The following RAPGEF1 variants were observed in gnomAD, a reference collection of about 807,000 sequenced individuals.
RAPGEF1 encodes Rap guanine nucleotide exchange factor 1.
RAPGEF1 carries 33 observed loss-of-function variants against 143.3 expected under a neutral mutation model. That is an observed-to-expected ratio of 0.23 (90% CI 0.17 to 0.31). RAPGEF1 has a LOEUF of 0.31. Ranked by LOEUF, RAPGEF1 falls within the 10% of genes least tolerant of loss-of-function variation. RAPGEF1 has a pLI of 1.00. For synonymous variants in RAPGEF1, 629 were observed against 676.5 expected (o/e 0.93, Z 1.09); for missense variants, 1,199 against 1,645.4 (o/e 0.73, Z 4.69).
chr9:131,644,674 G>C (rs1160259246), intron 3 of RAPGEF1, among the ~76,000 whole-genome samples: 1 of 152,106 alleles, frequency 6.6e-6, no homozygotes, highest in African/African-American at 2.4e-5. Flanking sequence ...TTCTAAAATA[G>C]TGCCGATTGG....
chr9:131,629,660 G>A (rs1334884183), intron 6 of RAPGEF1, among the ~76,000 whole-genome samples: 5 of 151,978 alleles, frequency 3.3e-5, no homozygotes, highest in Admixed American at 1.3e-4. Context: ...GCATGGTGGC[G>A]TGCACCTGTA....
chr9:131,626,462 A>G (rs1251147473), intron 9 of RAPGEF1, 40 bp from the exon 10 acceptor site: 6 of 1,515,188 alleles, frequency 4.0e-6, no homozygotes, highest in East Asian at 2.3e-5. Context: ...CGTTAGCCAC[A>G]GGCCCTGCAG....
At chr9:131,643,882 G>C (rs1002891276) in intron 3 of RAPGEF1, among the ~76,000 whole-genome samples, 1 of 152,172 alleles carries the variant, frequency 6.6e-6, no homozygotes, top group Non-Finnish European at 1.5e-5. Context: ...TCCAGGGCAT[G>C]AGGGGCTGAA....
chr9:131,621,680 C>G lies in RAPGEF1; in HGVS notation c.1905+116G>C. 9.0e-7 allele frequency: 1 copy of G among 1,115,832 alleles called. No homozygotes were observed. The highest frequency in any genetic ancestry group is 1.3e-6 in the Non-Finnish European group (1 of 784,638). 69.1% of individuals were successfully genotyped at this position (1,115,832 alleles called of 1,614,324 possible). On this transcript the variant is annotated intron_variant, in intron 11 of 26. Transcript: ENST00000683357. The surrounding 1 kb of genome is among the most constrained non-coding windows in gnomAD (Gnocchi z 4.5). ...GAGATGGTGCCTTCCACGCCCAAAA[C>G]CAGGGCCCTGCCACAGCAGGGAGGA...
chr9:131,705,746 C>T (rs938994573), intron 1 of RAPGEF1, among the ~76,000 whole-genome samples: 7 of 152,152 alleles, frequency 4.6e-5, no homozygotes, highest in African/African-American at 7.2e-5. Context: ...GTCCCCTCAT[C>T]GGGTATGTGT....
intron 3 of RAPGEF1, among the ~76,000 whole-genome samples, chr9:131,649,499 C>T (rs530285612): frequency 1.4e-4 from 21 of 152,264 alleles, no homozygotes; most frequent in Middle Eastern, 3.4e-3. Context: ...TTGACTTTGC[C>T]ACCTTTTTGC....
At chr9:131,625,877 A>G in intron 10 of RAPGEF1, 45 bp downstream of exon 10, 1 of 1,508,768 alleles carries the variant, frequency 6.6e-7, no homozygotes, top group Non-Finnish European at 8.9e-7. Flanking sequence ...CTGCCATTTC[A>G]GGTTATAAAA....
intron 16 of RAPGEF1, 90 bp from the exon 17 acceptor site, chr9:131,596,463 A>C: frequency 3.8e-6 from 5 of 1,315,276 alleles, no homozygotes; most frequent in Non-Finnish European, 5.4e-6. Flanking sequence ...TGAGATGACA[A>C]AATGCCCTGC....
chr9:131,656,752 T>G (rs1313927168), intron 1 of RAPGEF1, among the ~76,000 whole-genome samples: 1 of 152,198 alleles, frequency 6.6e-6, no homozygotes, highest in Non-Finnish European at 1.5e-5. Flanking sequence ...CTCAGGTTCA[T>G]GCAAGGGCAG....
At chr9:131,715,520 G>T (rs572506594) in intron 1 of RAPGEF1, among the ~76,000 whole-genome samples, 24 of 152,142 alleles carry the variant, frequency 1.6e-4, no homozygotes, top group African/African-American at 5.5e-4. Flanking sequence ...TCATTCTTCT[G>T]GGAAGAGAGG....
intron 1 of RAPGEF1, among the ~76,000 whole-genome samples, chr9:131,730,193 C>CAA (rs57402366): frequency 0.06 from 4,010 of 66,798 alleles, 169 homozygotes; most frequent in East Asian, 0.18. Context: ...GACTCCCTCT[C>CAA]AAAAAAAAAA....
Position 131,709,583 on chromosome 9 carries a change from T to G in RAPGEF1, c.61+30187A>C, listed in dbSNP as rs1835359075. 2.5e-6 allele frequency: 4 copies of G among 1,605,044 alleles called. No individual in the cohort carries two copies. In the East Asian group the frequency reaches 8.9e-5, roughly 36 times the overall value. ...AGTCTCTCAGAGAAAACTGCCTCCT[T>G]GCTTCTTCCTGGAAAGGAAGCCCAG... On this transcript the variant is annotated intron_variant, in intron 1 of 26. Coordinates refer to ENST00000683357, the MANE Select transcript of RAPGEF1 (RefSeq NM_001377935.1).
intron 9 of RAPGEF1, 48 bp from the exon 10 acceptor site, chr9:131,626,470 C>A: frequency 6.6e-7 from 1 of 1,506,394 alleles, no homozygotes; most frequent in Non-Finnish European, 8.9e-7. Flanking sequence ...ACAGGCCCTG[C>A]AGGAGCAGCC....
intron 1 of RAPGEF1, among the ~76,000 whole-genome samples, chr9:131,663,421 T>C (rs771190201): frequency 5.9e-5 from 9 of 151,360 alleles, no homozygotes; most frequent in Admixed American, 3.3e-4. Context: ...ATTTGCTCCA[T>C]AAGCAAATTT....
intron 1 of RAPGEF1, among the ~76,000 whole-genome samples, chr9:131,662,565 T>G (rs1306819897): frequency 6.6e-6 from 1 of 151,358 alleles, no homozygotes; most frequent in Non-Finnish European, 1.5e-5. Context: ...TTTTTTTTTT[T>G]GAGATGGAGT....
chr9:131,705,138 C>T (rs79733130), intron 1 of RAPGEF1, among the ~76,000 whole-genome samples: 7,727 of 152,284 alleles, frequency 0.051, 280 homozygotes, highest in African/African-American at 0.086. Context: ...AAGACACCTG[C>T]TGGCACTGGT....
intron 1 of RAPGEF1, among the ~76,000 whole-genome samples, chr9:131,680,805 C>T (rs1052293567): frequency 7.2e-5 from 11 of 152,150 alleles, no homozygotes; most frequent in Non-Finnish European, 1.3e-4. Context: ...CCACTTCACA[C>T]CTCTATATTT....
intron 5 of RAPGEF1, among the ~76,000 whole-genome samples, chr9:131,631,170 C>T (rs1187998675): frequency 2.3e-5 from 2 of 87,014 alleles, no homozygotes; most frequent in Non-Finnish European, 6.1e-5. Context: ...TTGTGTCAAC[C>T]TTCTTTTTAA....
At chr9:131,657,294 C>T (rs946347940) in intron 1 of RAPGEF1, among the ~76,000 whole-genome samples, 4 of 152,270 alleles carry the variant, frequency 2.6e-5, no homozygotes, top group East Asian at 1.9e-4. Context: ...TTCTCATGCA[C>T]GTCAATCATC....
Sources: allele counts gnomAD v4.1 joint callset (sites outside exome capture counted in the v4.1 genomes callset), GRCh38; gene constraint gnomAD v4.1.1; non-coding constraint Gnocchi (gnomAD v3.1); transcripts MANE v1.5; gene names NCBI Gene and HGNC (gene_info 2026-07-23, HGNC 2026-07-21).